SUPT3H: variants seen among roughly 807,000 people sequenced by gnomAD.
SUPT3H encodes the protein SPT3 homolog, SAGA and STAGA complex component.
SUPT3H carries 44 observed loss-of-function variants against 44.3 expected under a neutral mutation model. That is an observed-to-expected ratio of 0.99 (90% confidence interval 0.78 to 1.28). The LOEUF (loss-of-function observed/expected upper bound fraction) is 1.28, where lower values mean the gene tolerates loss of function less well. Among genes scored for constraint, SUPT3H ranks in the 50% most tolerant of loss-of-function variants. The pLI is 0.00. For missense variants in SUPT3H, 380 were observed against 387.1 expected (o/e 0.98, Z 0.15); for synonymous variants, 124 against 125.6 (o/e 0.99, Z 0.09).
chr6:45,254,704 T>C (rs574552763), intron 2 of SUPT3H, among the ~76,000 whole-genome samples: 137 of 152,308 alleles, frequency 9.0e-4, no homozygotes, highest in African/African-American at 3.2e-3. Flanking sequence ...CCAAGGCCTT[T>C]CCAACTCTAA....
At chr6:45,035,904 A>T (rs1229549266) in intron 3 of SUPT3H, among the ~76,000 whole-genome samples, 7 of 149,800 alleles carry the variant, frequency 4.7e-5, no homozygotes, top group African/African-American at 1.7e-4. Flanking sequence ...GAAGAGAAAG[A>T]AAAAAAAAAG....
intron 6 of SUPT3H, among the ~76,000 whole-genome samples, chr6:44,981,830 C>G (rs1006218831): frequency 1.1e-4 from 16 of 147,016 alleles, no homozygotes; most frequent in Non-Finnish European, 1.8e-4. Flanking sequence ...CCTGTAATCT[C>G]AGCACTTTGG....
In SUPT3H at chr6:45,366,315, T is replaced by C. The variant is rs190230626; in HGVS notation, c.1-1014A>G. Among the ~76,000 whole-genome samples the C allele has an allele frequency of 2.8e-4, 42 of 152,308 alleles. No homozygotes were observed. The East Asian group carries it at 6.9e-3, about 25-fold the overall frequency. ...GATTTGAATCCCAGCTCCGCTCCTTTGCTAAGACTTTGGGCAAGTTACCTA... is the reference window on the plus strand; with the variant it reads ...GATTTGAATCCCAGCTCCGCTCCTTCGCTAAGACTTTGGGCAAGTTACCTA... On this transcript the variant is annotated intron_variant, in intron 1 of 10. Transcript: ENST00000371459.
chr6:45,059,824 A>G (rs1791698103), intron 3 of SUPT3H, among the ~76,000 whole-genome samples: 1 of 152,206 alleles, frequency 6.6e-6, no homozygotes, highest in Admixed American at 6.5e-5. Context: ...GAGCCAAATC[A>G]TAAATGAACA....
At chr6:44,953,482 A>T in intron 8 of SUPT3H, 65 bp from the exon 9 acceptor site, 8 of 1,279,484 alleles carry the variant, frequency 6.3e-6, no homozygotes, top group Non-Finnish European at 9.1e-6. Flanking sequence ...TGAAGTGGCA[A>T]ACCTAAAAGC....
intron 2 of SUPT3H, among the ~76,000 whole-genome samples, chr6:45,137,466 T>C (rs1307187561): frequency 6.6e-6 from 1 of 152,010 alleles, no homozygotes; most frequent in African/African-American, 2.4e-5. Flanking sequence ...GGTTTAAATA[T>C]ACCATATGTC....
At chr6:45,143,613 T>C (rs764756377) in intron 2 of SUPT3H, among the ~76,000 whole-genome samples, 62 of 151,830 alleles carry the variant, frequency 4.1e-4, no homozygotes, top group Non-Finnish European at 3.4e-4. Context: ...AGAGCACAAA[T>C]AGACAATCTA....
chr6:44,918,572 A>T (rs2153455817), intron 10 of SUPT3H, among the ~76,000 whole-genome samples: 1 of 152,352 alleles, frequency 6.6e-6, no homozygotes, highest in South Asian at 2.1e-4. Flanking sequence ...AACCAAAAAT[A>T]TACCAACTCA....
At chr6:44,865,070 T>G (rs1044786794) in intron 10 of SUPT3H, among the ~76,000 whole-genome samples, 1 of 152,200 alleles carries the variant, frequency 6.6e-6, no homozygotes, top group African/African-American at 2.4e-5. Context: ...TCTCTCAAGT[T>G]GAAAGTTCCA....
intron 2 of SUPT3H, among the ~76,000 whole-genome samples, chr6:45,288,033 A>G (rs1779605904): frequency 1.3e-5 from 2 of 152,128 alleles, no homozygotes; most frequent in African/African-American, 4.8e-5. Flanking sequence ...CCATTCATGT[A>G]TTTTATGAAA....
intron 2 of SUPT3H, among the ~76,000 whole-genome samples, chr6:45,262,766 A>C (rs1308124122): frequency 1.3e-5 from 2 of 152,178 alleles, no homozygotes; most frequent in Non-Finnish European, 2.9e-5. Context: ...CAAAGGTCTA[A>C]TATACAGAAT....
intron 2 of SUPT3H, among the ~76,000 whole-genome samples, chr6:45,131,826 A>T (rs1044157221): frequency 1.3e-5 from 2 of 152,194 alleles, no homozygotes; most frequent in Admixed American, 6.5e-5. Context: ...ACAGTCCCCA[A>T]ATATTCAGGC....
At chr6:45,327,611 T>C (rs1044801659) in intron 2 of SUPT3H, among the ~76,000 whole-genome samples, 3 of 152,098 alleles carry the variant, frequency 2.0e-5, no homozygotes, top group South Asian at 4.1e-4. Context: ...ATCTAATAGA[T>C]TGATAATAAA....
intron 2 of SUPT3H, among the ~76,000 whole-genome samples, chr6:45,300,304 C>T (rs559580781): frequency 8.5e-5 from 13 of 152,186 alleles, no homozygotes; most frequent in African/African-American, 2.7e-4. Flanking sequence ...TTGTAATACG[C>T]CAAAAGTTTT....
intron 3 of SUPT3H, among the ~76,000 whole-genome samples, chr6:45,055,650 T>A (rs891090826): frequency 2.6e-4 from 40 of 152,086 alleles, no homozygotes; most frequent in Non-Finnish European, 4.6e-4. Context: ...TCCTTATCTC[T>A]TACCTTATAC....
At chr6:45,362,849 T>TC (rs1794497283) in intron 2 of SUPT3H, among the ~76,000 whole-genome samples, 1 of 152,056 alleles carries the variant, frequency 6.6e-6, no homozygotes, top group African/African-American at 2.4e-5. Flanking sequence ...CTCAGTTTTT[T>TC]TAAAATGGCC....
chr6:45,347,915 G>T (rs1791220184), intron 2 of SUPT3H, among the ~76,000 whole-genome samples: 1 of 152,040 alleles, frequency 6.6e-6, no homozygotes, highest in Non-Finnish European at 1.5e-5. Context: ...ACCTGTGAAT[G>T]AAAAAATTAT....
chr6:45,260,222 A>G (rs949229685), intron 2 of SUPT3H, among the ~76,000 whole-genome samples: 1 of 152,196 alleles, frequency 6.6e-6, no homozygotes, highest in African/African-American at 2.4e-5. Flanking sequence ...TAAATAAACT[A>G]CATTCTACGC....
chr6:45,010,713 A>G (rs1204502044), intron 5 of SUPT3H, among the ~76,000 whole-genome samples: 1 of 152,030 alleles, frequency 6.6e-6, no homozygotes, highest in African/African-American at 2.4e-5. Context: ...CTCTTCTCAG[A>G]AATGCCCTAA....
Sources: allele counts gnomAD v4.1 joint callset (sites outside exome capture counted in the v4.1 genomes callset), GRCh38; gene constraint gnomAD v4.1.1; transcripts MANE v1.5; gene names NCBI Gene and HGNC (gene_info 2026-07-23, HGNC 2026-07-21).